P2RY14: variants seen among roughly 807,000 people sequenced by gnomAD.
P2RY14 encodes P2Y purinoceptor 14.
A neutral mutation model predicts 0.9 loss-of-function variants in P2RY14; 2 were observed. The ratio of observed to expected loss-of-function variants is 2.16; its 90% confidence interval spans 0.88 to 6.79. P2RY14 has a LOEUF of 6.79. Among genes scored for constraint, P2RY14 ranks in the 30% most tolerant of loss-of-function variants. The pLI is 0.05. For missense variants in P2RY14, 378 were observed against 400.1 expected (o/e 0.94, Z 0.47); for synonymous variants, 158 against 147.2 (o/e 1.07, Z -0.53).
intron 1 of P2RY14, among the ~76,000 whole-genome samples, chr3:151,271,408 T>A (rs939805347): frequency 2.0e-5 from 3 of 152,226 alleles, no homozygotes; most frequent in Non-Finnish European, 4.4e-5. Context: ...TTTTTGGTTA[T>A]AGTGTAAAAT....
chr3:151,245,258 A>G (rs1057147468), intron 1 of P2RY14, among the ~76,000 whole-genome samples: 3 of 152,194 alleles, frequency 2.0e-5, no homozygotes, highest in Non-Finnish European at 4.4e-5. Context: ...AATCCTCCCT[A>G]ACTCATTTTA....
At chr3:151,228,663 G>A (rs138118717) in intron 1 of P2RY14, among the ~76,000 whole-genome samples, 109 of 152,196 alleles carry the variant, frequency 7.2e-4, no homozygotes, top group Non-Finnish European at 1.3e-3. Flanking sequence ...ACAACAGAGT[G>A]TATGTATGAA....
At chr3:151,261,685 G>GTGTTTTTTTT (rs1738915875) in intron 1 of P2RY14, among the ~76,000 whole-genome samples, 1 of 148,640 alleles carries the variant, frequency 6.7e-6, no homozygotes, top group African/African-American at 2.5e-5. Context: ...GTGGTACGTG[G>GTGTTTTTTTT]TGTTTTGTTT....
At chr3:151,244,749 G>C (rs537789780) in intron 1 of P2RY14, among the ~76,000 whole-genome samples, 55 of 151,910 alleles carry the variant, frequency 3.6e-4, no homozygotes, top group Non-Finnish European at 6.8e-4. Flanking sequence ...CTAGCAGAAG[G>C]CAAGAAATAA....
intron 1 of P2RY14, among the ~76,000 whole-genome samples, chr3:151,242,407 C>G (rs1241053817): frequency 6.6e-6 from 1 of 152,206 alleles, no homozygotes; most frequent in Non-Finnish European, 1.5e-5. Flanking sequence ...GTGGTTCTCC[C>G]AGCACGCAGC....
At chr3:151,259,954 G>A (rs1273061930) in intron 1 of P2RY14, among the ~76,000 whole-genome samples, 1 of 152,118 alleles carries the variant, frequency 6.6e-6, no homozygotes. Context: ...TCCCCTTTTG[G>A]TATGTGGTAA....
At chr3:151,260,444 G>A (rs1296590644) in intron 1 of P2RY14, among the ~76,000 whole-genome samples, 2 of 152,066 alleles carry the variant, frequency 1.3e-5, no homozygotes, top group South Asian at 2.1e-4. Context: ...TAAACTCCTG[G>A]GTTTAAGCAG....
At chr3:151,243,486 T>G (rs1379140344) in intron 1 of P2RY14, among the ~76,000 whole-genome samples, 1 of 152,218 alleles carries the variant, frequency 6.6e-6, no homozygotes, top group Non-Finnish European at 1.5e-5. Flanking sequence ...ACAAGAATTT[T>G]CAACCTGGAA....
intron 1 of P2RY14, among the ~76,000 whole-genome samples, chr3:151,251,285 C>T (rs988289219): frequency 1.1e-4 from 16 of 152,168 alleles, no homozygotes; most frequent in African/African-American, 3.9e-4. Context: ...GTGTCTCTCT[C>T]AATTTGTGAT....
chr3:151,273,993 G>A (rs956161714), intron 1 of P2RY14, among the ~76,000 whole-genome samples: 7 of 151,994 alleles, frequency 4.6e-5, no homozygotes, highest in Non-Finnish European at 8.8e-5. Context: ...TTTTTAAATC[G>A]TGTGGCCTCT....
intron 1 of P2RY14, among the ~76,000 whole-genome samples, chr3:151,260,069 C>T (rs754114458): frequency 2.0e-5 from 3 of 152,110 alleles, no homozygotes; most frequent in Non-Finnish European, 4.4e-5. Context: ...CAGCTCACTG[C>T]TGGGGATATG....
Position 151,226,499 on chromosome 3 carries a change from AGG to A in P2RY14, c.-132-6859_-132-6858del, listed in dbSNP as rs371312011. 6.0e-4 allele frequency among the ~76,000 whole-genome samples: 91 copies of A among 152,344 alleles called. 1 individual carries two copies. In the East Asian group the frequency reaches 0.011, roughly 19 times the overall value. ...ACTAATGTCTGATTGATTCCAAGCC[AGG>A]GCTCCCCTGCTCCTGAAAGAATGTG... On this transcript the variant is annotated intron_variant, in intron 1 of 2. Coordinates refer to ENST00000309170, the MANE Select transcript of P2RY14 (RefSeq NM_014879.4).
chr3:151,240,741 GT>G (rs1389331643), intron 1 of P2RY14, among the ~76,000 whole-genome samples: 3 of 152,220 alleles, frequency 2.0e-5, no homozygotes, highest in Non-Finnish European at 4.4e-5. Context: ...GGACTGACCA[GT>G]TTTGTGCACT....
At chr3:151,240,788 T>A (rs901206581) in intron 1 of P2RY14, among the ~76,000 whole-genome samples, 4 of 152,218 alleles carry the variant, frequency 2.6e-5, no homozygotes, top group Non-Finnish European at 5.9e-5. Flanking sequence ...TTAATCATGG[T>A]TTTTATTGGA....
intron 1 of P2RY14, among the ~76,000 whole-genome samples, chr3:151,268,722 C>T (rs908894880): frequency 1.3e-5 from 2 of 152,106 alleles, no homozygotes; most frequent in African/African-American, 4.8e-5. Context: ...ATAAGTGAGT[C>T]AGCAGTGTTT....
At chr3:151,246,285 G>A (rs1175813301) in intron 1 of P2RY14, among the ~76,000 whole-genome samples, 1 of 152,006 alleles carries the variant, frequency 6.6e-6, no homozygotes, top group African/African-American at 2.4e-5. Flanking sequence ...AAGTTCATAT[G>A]GAACCAAAAA....
intron 1 of P2RY14, among the ~76,000 whole-genome samples, chr3:151,276,356 C>G (rs983187220): frequency 6.6e-6 from 1 of 152,244 alleles, no homozygotes; most frequent in African/African-American, 2.4e-5. Flanking sequence ...CACTCTTGTA[C>G]TGATATAATT....
At chr3:151,219,994 A>AT (rs1420782770) in intron 1 of P2RY14, among the ~76,000 whole-genome samples, 7 of 146,294 alleles carry the variant, frequency 4.8e-5, no homozygotes, top group East Asian at 2.1e-4. Flanking sequence ...TTGCAGGTGG[A>AT]TTTTTTTAAT....
intron 1 of P2RY14, among the ~76,000 whole-genome samples, chr3:151,223,704 C>G (rs4680250): frequency 0.68 from 103,718 of 152,066 alleles, 35,683 homozygotes; most frequent in African/African-American, 0.74. Flanking sequence ...AGGTAGGAAG[C>G]GGGGAAATGG....
Sources: gnomAD v4.1 joint callset for allele counts (sites outside exome capture counted in the v4.1 genomes callset) on GRCh38, gnomAD v4.1.1 for gene constraint, MANE v1.5 for transcripts, NCBI Gene and HGNC (gene_info 2026-07-23, HGNC 2026-07-21) for gene names.